DNAH9: variants seen among roughly 807,000 people sequenced by gnomAD.
The protein encoded by DNAH9 is DNAH9 variant protein.
In DNAH9, 345 loss-of-function variants were observed where a neutral mutation model predicts 471.6. The ratio of observed to expected loss-of-function variants is 0.73; its 90% CI spans 0.67 to 0.80. The LOEUF is 0.80. Among genes scored for constraint, DNAH9 ranks in the 30% least tolerant of loss-of-function variants. The pLI, the probability that DNAH9 is intolerant of heterozygous loss-of-function variation, is 0.00. For synonymous variants in DNAH9, 2,093 were observed against 2,123.6 expected (o/e 0.99, Z 0.40); for missense variants, 5,407 against 5,609.2 (o/e 0.96, Z 1.15).
At chr17:11,735,657 G>A (rs1042719621) in intron 28 of DNAH9, among the ~76,000 whole-genome samples, 2 of 152,060 alleles carry the variant, frequency 1.3e-5, no homozygotes, top group Admixed American at 6.6e-5. Context: ...GGATGGTCTC[G>A]ATCTCCTGAC....
intron 67 of DNAH9, among the ~76,000 whole-genome samples, chr17:11,945,843 G>A (rs1454190038): frequency 1.3e-5 from 2 of 152,008 alleles, no homozygotes; most frequent in East Asian, 3.9e-4. Flanking sequence ...TGGATCACGA[G>A]GTCAGGAGAT....
At chr17:11,614,262 G>C (rs36113584) in intron 4 of DNAH9, among the ~76,000 whole-genome samples, 4,752 of 152,078 alleles carry the variant, frequency 0.031, 107 homozygotes, top group South Asian at 0.047. Context: ...TATTAGGCAT[G>C]GTCAGGGTCG....
intron 49 of DNAH9, among the ~76,000 whole-genome samples, chr17:11,848,631 C>T (rs8068905): frequency 0.5 from 75,912 of 151,816 alleles, 19,496 homozygotes; most frequent in Non-Finnish European, 0.55. Flanking sequence ...CCCTTTGACC[C>T]GGCAAATCCC....
At chr17:11,806,131 C>T (rs923255877) in intron 43 of DNAH9, among the ~76,000 whole-genome samples, 3 of 152,200 alleles carry the variant, frequency 2.0e-5, no homozygotes, top group Non-Finnish European at 4.4e-5. Context: ...CACTGTGTTA[C>T]GTAGCCCTGA....
chr17:11,697,006 C>T (rs911030070), intron 22 of DNAH9, among the ~76,000 whole-genome samples: 2 of 152,040 alleles, frequency 1.3e-5, no homozygotes, highest in Non-Finnish European at 2.9e-5. Flanking sequence ...GTAGCTGGAA[C>T]TACAGGCATG....
intron 26 of DNAH9, 54 bp from the exon 27 acceptor site, chr17:11,719,280 C>G: frequency 1.3e-6 from 2 of 1,576,642 alleles, no homozygotes; most frequent in Non-Finnish European, 1.7e-6. Flanking sequence ...GAGCCTTAGT[C>G]CTATCTCACT....
chr17:11,800,192 C>CA (rs971379248), intron 43 of DNAH9, among the ~76,000 whole-genome samples: 1 of 152,130 alleles, frequency 6.6e-6, no homozygotes, highest in Non-Finnish European at 1.5e-5. Context: ...TTCCCGTCAT[C>CA]AAATCTAACA....
chr17:11,874,991 CT>C lies in DNAH9; in HGVS notation c.10286del (p.Leu3429ArgfsTer70). 6.2e-7 allele frequency: 1 copy of C among 1,614,124 alleles called. No individual in the cohort carries two copies. Among genetic ancestry groups the C allele is most frequent in the South Asian group, 1.1e-5 (1 of 91,078 alleles). ...CCCAGCCCTGGATCCCCTGAGGATGCTGATGGATGATGCTGACGTGGCTGCC... is the reference window on the plus strand; with the variant it reads ...CCCAGCCCTGGATCCCCTGAGGATGCGATGGATGATGCTGACGTGGCTGCC... ...VTPALDPLRMLMDDADVAAWQ... is the reference protein window; with the variant it reads ...VTPALDPLRMXMDDADVAAWQ... On this transcript the variant is annotated frameshift_variant, in exon 53 of 69. Transcript: ENST00000262442. LOFTEE classifies it high-confidence loss of function.
At chr17:11,765,993 C>T (rs1038726488) in intron 36 of DNAH9, among the ~76,000 whole-genome samples, 2 of 152,082 alleles carry the variant, frequency 1.3e-5, no homozygotes, top group Non-Finnish European at 2.9e-5. Context: ...TCCCCTCAAG[C>T]CTTTTAAAAG....
rs1008672472 is a variant in DNAH9, at chr17:11,933,905, T to A, written c.12323T>A (p.Leu4108Gln). 4 of 1,613,712 alleles carry A rather than the reference T, an allele frequency of 2.5e-6. No individual in the cohort carries two copies. The African/African-American group carries it at 4.0e-5, about 16-fold the overall frequency. ...AKVPYDDLRY[L>Q]FGEIMYGGHI... Reference sequence around the variant, plus strand: ...GTCCCCTATGATGATTTGCGCTACCTGTTTGGAGAGATCATGTATGGAGGC... The same window carrying A: ...GTCCCCTATGATGATTTGCGCTACCAGTTTGGAGAGATCATGTATGGAGGC... The change falls in exon 65 of 69, where the codon CTG becomes CAG. Residue 4108 changes from leucine to glutamine, a missense_variant. Physicochemically the swap from Leu to Gln is moderately radical, Grantham distance 113 (BLOSUM62 -2). Transcript: ENST00000262442.
chr17:11,730,361 G>A (rs113499280), intron 28 of DNAH9, among the ~76,000 whole-genome samples: 40 of 152,332 alleles, frequency 2.6e-4, no homozygotes, highest in African/African-American at 9.4e-4. Flanking sequence ...AGAGCTGGTT[G>A]TTAAAAATTT....
At chr17:11,690,482 G>A (rs1411895051) in intron 20 of DNAH9, 46 bp downstream of exon 20, 2 of 1,557,046 alleles carry the variant, frequency 1.3e-6, no homozygotes, top group South Asian at 2.4e-5. Context: ...CTGATCCAGG[G>A]TGAAGGGAAG....
At chr17:11,823,185 G>A (rs751312426) in intron 48 of DNAH9, 151 bp downstream of exon 48, 28 of 706,592 alleles carry the variant, frequency 4.0e-5, no homozygotes, top group Admixed American at 3.3e-4. Context: ...TTATGTTCTC[G>A]TGTGTTGCTT....
chr17:11,942,614 A>G (rs1974966352), intron 67 of DNAH9, 129 bp downstream of exon 67: 3 of 922,270 alleles, frequency 3.3e-6, no homozygotes, highest in Non-Finnish European at 4.7e-6. Context: ...CTAGGTGCCC[A>G]AAAGTCATCA....
chr17:11,870,310 C>A (rs1009852619), intron 51 of DNAH9, among the ~76,000 whole-genome samples: 3 of 152,220 alleles, frequency 2.0e-5, no homozygotes, highest in African/African-American at 7.2e-5. Flanking sequence ...TTTCTCATCC[C>A]ATATATCAGC....
chr17:11,926,199 A>G lies in DNAH9; in HGVS notation c.11877+2258A>G, dbSNP rs76211735. On this transcript the variant is annotated intron_variant, in intron 62 of 68. Transcript: ENST00000262442. ...GAGAATCCTTTGGTATAGAAATCTT[A>G]TTCCATCCAGTATTTCCCAAATTCC... Among the ~76,000 whole-genome samples, 1,370 of 152,290 alleles carry G rather than the reference A, an allele frequency of 9.0e-3. 27 individuals are homozygous for G. Among genetic ancestry groups the G allele is most frequent in the African/African-American group, 0.031 (1,299 of 41,542 alleles).
intron 44 of DNAH9, among the ~76,000 whole-genome samples, chr17:11,809,389 C>T (rs1366008669): frequency 6.6e-6 from 1 of 151,920 alleles, no homozygotes; most frequent in East Asian, 1.9e-4. Context: ...CATGGTGAAA[C>T]CCCATCTCTA....
At position 11,679,709 on chromosome 17, in the gene DNAH9, G is replaced by A. The variant is rs371085356; in HGVS notation, c.3354-48G>A. The A allele has an allele frequency of 1.4e-4, 190 of 1,353,542 alleles. No individual in the cohort carries two copies. The African/African-American group carries it at 1.9e-3, about 14-fold the overall frequency. 83.8% of individuals were successfully genotyped at this position (1,353,542 alleles called of 1,614,324 possible). ...GGGGAAATCAATACATCTGCCTTTC[G>A]AGAAGTAGAACGAGAATGGTTCCTC... On this transcript the variant is annotated intron_variant, in intron 17 of 68. Transcript: ENST00000262442.
chr17:11,827,105 G>A lies in DNAH9; in HGVS notation c.9246+4071G>A, dbSNP rs1019061363. 7.2e-5 allele frequency among the ~76,000 whole-genome samples: 11 copies of A among 152,060 alleles called. No individual in the cohort carries two copies. The South Asian group carries it at 1.2e-3, about 17-fold the overall frequency. Reference sequence around the variant, plus strand: ...CTCCCAAGGTGTTGGGATTACAGGCGTGAGCCACCATGCCTGGCCGAGTCC... The same window carrying A: ...CTCCCAAGGTGTTGGGATTACAGGCATGAGCCACCATGCCTGGCCGAGTCC... On this transcript the variant is annotated intron_variant, in intron 48 of 68. Coordinates refer to ENST00000262442, the MANE Select transcript of DNAH9 (RefSeq NM_001372.4).
Sources: allele counts gnomAD v4.1 joint callset (sites outside exome capture counted in the v4.1 genomes callset), GRCh38; gene constraint gnomAD v4.1.1; transcripts MANE v1.5; gene names NCBI Gene and HGNC (gene_info 2026-07-23, HGNC 2026-07-21).